TESK2: variants seen among roughly 807,000 people sequenced by gnomAD.
TESK2 encodes the protein testis associated actin remodelling kinase 2, also known as dual specificity testis-specific protein kinase 2.
A neutral mutation model predicts 57.1 loss-of-function variants in TESK2; 39 were observed. The observed-to-expected ratio is 0.68, with a 90% CI of 0.53 to 0.89. The LOEUF (loss-of-function observed/expected upper bound fraction) is 0.89. TESK2 is among the 40% of genes least tolerant of loss of function. The probability of loss-of-function intolerance (pLI) is 0.00; values close to 1 mark genes in which losing one functional copy is unlikely to be tolerated. For synonymous variants in TESK2, 249 were observed against 267.9 expected (o/e 0.93, Z 0.69); for missense variants, 646 against 732.1 (o/e 0.88, Z 1.36).
chr1:45,489,433 G>C (rs779025041), intron 1 of TESK2, among the ~76,000 whole-genome samples: 7 of 152,106 alleles, frequency 4.6e-5, no homozygotes, highest in Non-Finnish European at 1.0e-4. Flanking sequence ...TATGTATCCA[G>C]GTCCAAGCTT....
intron 1 of TESK2, among the ~76,000 whole-genome samples, chr1:45,471,398 T>TA (rs1159441070): frequency 6.6e-6 from 1 of 151,938 alleles, no homozygotes; most frequent in Non-Finnish European, 1.5e-5. Context: ...ATGAATATAA[T>TA]AGAGTACAAT....
intron 2 of TESK2, among the ~76,000 whole-genome samples, chr1:45,423,505 G>A (rs971715471): frequency 3.3e-5 from 5 of 151,094 alleles, no homozygotes; most frequent in African/African-American, 4.9e-5. Context: ...CGCAGTGAGT[G>A]GAGATTGTGC....
At chr1:45,382,223 C>G (rs577301255) in intron 4 of TESK2, among the ~76,000 whole-genome samples, 1 of 152,186 alleles carries the variant, frequency 6.6e-6, no homozygotes, top group East Asian at 1.9e-4. Flanking sequence ...TTTCATGTGA[C>G]TTTTCACCAA....
chr1:45,478,534 G>C (rs1173805413), intron 1 of TESK2, among the ~76,000 whole-genome samples: 1 of 152,052 alleles, frequency 6.6e-6, no homozygotes, highest in Non-Finnish European at 1.5e-5. Context: ...AGGACATCGA[G>C]ATTCCACATT....
chr1:45,381,404 T>C (rs1388623154), intron 4 of TESK2, among the ~76,000 whole-genome samples: 1 of 152,208 alleles, frequency 6.6e-6, no homozygotes, highest in East Asian at 1.9e-4. Context: ...CAATGGGATG[T>C]TGGCCAAGCA....
intron 4 of TESK2, among the ~76,000 whole-genome samples, chr1:45,369,073 G>A (rs929308794): frequency 6.6e-6 from 1 of 152,050 alleles, no homozygotes; most frequent in African/African-American, 2.4e-5. Context: ...TAAATAACTT[G>A]CCTATGATTA....
intron 1 of TESK2, among the ~76,000 whole-genome samples, chr1:45,477,946 T>C (rs1331706144): frequency 6.6e-6 from 1 of 152,250 alleles, no homozygotes; most frequent in African/African-American, 2.4e-5. Context: ...TACTACTTAC[T>C]TGGCACTCAA....
At chr1:45,462,509 T>C (rs879443528) in intron 1 of TESK2, among the ~76,000 whole-genome samples, 2 of 152,198 alleles carry the variant, frequency 1.3e-5, no homozygotes, top group Non-Finnish European at 2.9e-5. Flanking sequence ...CCTGACATTG[T>C]GATCCGCCCA....
rs1355753034 is a variant in TESK2 at position 45,384,389 on chromosome 1, G to GTCTGTCTA, written c.393+1522_393+1523insTAGACAGA. 5.0e-3 allele frequency among the ~76,000 whole-genome samples: 722 copies of GTCTGTCTA among 144,362 alleles called. 10 individuals carry two copies. The highest frequency in any genetic ancestry group is 0.018 in the African/African-American group (687 of 38,658). 94.7% of individuals were successfully genotyped at this position (144,362 alleles called of 152,430 possible). A position where few individuals can be genotyped will look rare whatever the true frequency, so the allele number is the denominator to read the frequency against. ...TATCTATCTATCTATCTATCTATCT[G>GTCTGTCTA]TCTATCTATCTATCTATCTATCTAT... On this transcript the variant is annotated intron_variant, in intron 4 of 10. Coordinates refer to ENST00000372086, the MANE Select transcript of TESK2 (RefSeq NM_007170.3).
At chr1:45,350,621 T>C (rs1647217768) in intron 5 of TESK2, among the ~76,000 whole-genome samples, 2 of 152,218 alleles carry the variant, frequency 1.3e-5, no homozygotes, top group African/African-American at 4.8e-5. Context: ...GGGACTGTTA[T>C]ATTTCAAGTC....
chr1:45,412,963 T>C (rs966717203), intron 3 of TESK2, among the ~76,000 whole-genome samples: 1 of 152,104 alleles, frequency 6.6e-6, no homozygotes, highest in Non-Finnish European at 1.5e-5. Context: ...GAGATTGCAG[T>C]GAGCCTGGGC....
At position 45,347,019 on chromosome 1, in the gene TESK2, G is replaced by A. The variant is rs199654833; in HGVS notation, c.752C>T (p.Ala251Val). Residue 251 changes from alanine to valine, a missense_variant, in exon 8 of 11, where the codon GCC (alanine) becomes GTC (valine). Physicochemically the swap from Ala to Val is moderately conservative, Grantham distance 64 (BLOSUM62 0). Coordinates refer to ENST00000372086, the MANE Select transcript of TESK2 (RefSeq NM_007170.3). ...SYGIILCEII[A>V]RIQADPDYLP... ...ATAGTCCGGATCGGCCTGGATGCGG[G>A]CGATGATCTCGCAGAGGATGATACC... The A allele has an allele frequency of 6.0e-5, 97 of 1,614,092 alleles. No individual in the cohort carries two copies. Among genetic ancestry groups the A allele is most frequent in the Non-Finnish European group, 7.5e-5 (89 of 1,180,052 alleles).
rs1647114462 is a variant in TESK2 at position 45,344,839 on chromosome 1, C to T, written c.*1G>A. 27 of 1,611,222 alleles carry T rather than the reference C, an allele frequency of 1.7e-5. No homozygotes were observed. The highest frequency in any genetic ancestry group is 2.2e-5 in the Non-Finnish European group (26 of 1,179,300). Reference sequence around the variant, plus strand: ...CAAGGTGAGGCAGGGACTAAACCCCCTCACCCATCCTGCTTTCCCTGGGTT... The same window carrying T: ...CAAGGTGAGGCAGGGACTAAACCCCTTCACCCATCCTGCTTTCCCTGGGTT... On this transcript the variant is annotated 3_prime_UTR_variant, in exon 11 of 11. Transcript: ENST00000372086.
At chr1:45,353,419 C>T (rs768065337) in intron 5 of TESK2, among the ~76,000 whole-genome samples, 13 of 152,200 alleles carry the variant, frequency 8.5e-5, no homozygotes, top group Non-Finnish European at 1.9e-4. Context: ...CTACAAATGA[C>T]TCTGCCACAC....
chr1:45,345,137 G>T lies in TESK2; in HGVS notation c.1419C>A (p.Gly473=). The change falls in exon 11 of 11, where the codon GGC becomes GGA. Residue 473 remains glycine, a synonymous_variant. Transcript: ENST00000372086. The stretch of plus-strand genomic sequence containing the variant: ...GCCCATCAGATAGCGATTCTTCCCG[G>T]CCCACAAATGGACAAGCCTCTTGAT... ...FLHQEACPFV[G]REESLSDGPP... 1.2e-6 allele frequency: 2 copies of T among 1,614,116 alleles called. No homozygotes were observed. The highest frequency in any genetic ancestry group is 1.7e-6 in the Non-Finnish European group (2 of 1,180,036).
Position 45,392,055 on chromosome 1 carries a change from C to A in TESK2, c.345-6095G>T, listed in dbSNP as rs1649163398. Among the ~76,000 whole-genome samples, 2 of 152,174 alleles carry A rather than the reference C, an allele frequency of 1.3e-5. 1 individual carries two copies. Among genetic ancestry groups the A allele is most frequent in the South Asian group, 4.1e-4 (2 of 4,828 alleles). On this transcript the variant is annotated intron_variant, in intron 3 of 10. Coordinates refer to ENST00000372086, the MANE Select transcript of TESK2 (RefSeq NM_007170.3). ...CTTGCTAATCTAACATTTCTGACTCCTTCCCCAGACTGGAATATAAGGTAT... is the reference window on the plus strand; with the variant it reads ...CTTGCTAATCTAACATTTCTGACTCATTCCCCAGACTGGAATATAAGGTAT...
At chr1:45,412,866 CAA>C (rs996517421) in intron 3 of TESK2, among the ~76,000 whole-genome samples, 10 of 151,874 alleles carry the variant, frequency 6.6e-5, no homozygotes, top group African/African-American at 2.2e-4. Flanking sequence ...AAAAAATTTT[CAA>C]AGTTAGCCAA....
intron 3 of TESK2, among the ~76,000 whole-genome samples, chr1:45,403,086 T>C (rs1412239841): frequency 6.6e-6 from 1 of 151,536 alleles, no homozygotes; most frequent in Non-Finnish European, 1.5e-5. Context: ...GAGTTCAAGA[T>C]CAGCCTGGGC....
intron 1 of TESK2, among the ~76,000 whole-genome samples, chr1:45,463,522 T>G (rs1195619562): frequency 6.6e-6 from 1 of 152,176 alleles, no homozygotes; most frequent in African/African-American, 2.4e-5. Context: ...GAGTTCACTG[T>G]AGGTATATGG....
Sources: gnomAD v4.1 joint callset for allele counts (sites outside exome capture counted in the v4.1 genomes callset) on GRCh38, gnomAD v4.1.1 for gene constraint, MANE v1.5 for transcripts, NCBI Gene and HGNC (gene_info 2026-07-23, HGNC 2026-07-21) for gene names.